The following PACRGL variants were observed in gnomAD, a reference collection of about 807,000 sequenced individuals.
The protein encoded by PACRGL is PACRG-like protein.
PACRGL carries 38 observed loss-of-function variants against 34.5 expected under a neutral mutation model. The ratio of observed to expected loss-of-function variants is 1.10; its 90% confidence interval spans 0.85 to 1.44. The LOEUF is 1.44. Ranked by LOEUF, PACRGL falls within the 40% of genes most tolerant of loss-of-function variation. The pLI is 0.00. For synonymous variants in PACRGL, 128 were observed against 100.1 expected (o/e 1.28, Z -1.66); for missense variants, 305 against 281.4 (o/e 1.08, Z -0.60).
intron 7 of PACRGL, among the ~76,000 whole-genome samples, chr4:20,715,494 T>C (rs924536643): frequency 1.3e-5 from 2 of 152,086 alleles, no homozygotes; most frequent in African/African-American, 4.8e-5. Flanking sequence ...AGATCGTTCA[T>C]AAAACATTTT....
intron 4 of PACRGL, among the ~76,000 whole-genome samples, chr4:20,708,404 G>T (rs1158019432): frequency 6.6e-6 from 1 of 151,918 alleles, no homozygotes; most frequent in African/African-American, 2.4e-5. Context: ...GCCTGTTGTA[G>T]ATGATAGAAA....
At chr4:20,722,976 A>G (rs1400413661) in intron 7 of PACRGL, among the ~76,000 whole-genome samples, 1 of 152,116 alleles carries the variant, frequency 6.6e-6, no homozygotes, top group Non-Finnish European at 1.5e-5. Context: ...CTGTATTTTT[A>G]ACTTCCTATT....
chr4:20,749,166 A>G (rs1753104087), intron 8 of PACRGL, among the ~76,000 whole-genome samples: 1 of 151,566 alleles, frequency 6.6e-6, no homozygotes, highest in African/African-American at 2.4e-5. Context: ...AAAAAAAAAA[A>G]AAAAAATACG....
At chr4:20,757,458 C>G (rs191247913), downstream of PACRGL, among the ~76,000 whole-genome samples, 4 of 152,268 alleles carry the variant, frequency 2.6e-5, no homozygotes, top group East Asian at 7.8e-4. Flanking sequence ...TGCATCACCT[C>G]AAGGATAAAG....
At chr4:20,753,221 C>A (rs890079204), downstream of PACRGL, among the ~76,000 whole-genome samples, 2 of 152,018 alleles carry the variant, frequency 1.3e-5, no homozygotes, top group African/African-American at 4.8e-5. Context: ...ACTGAGGTCA[C>A]CTAGTTAGTT....
Position 20,730,829 on chromosome 4 carries a change from A to G in PACRGL, c.*3488A>G, listed in dbSNP as rs1747937629. Among the ~76,000 whole-genome samples, 1 of 152,144 alleles carries G rather than the reference A, an allele frequency of 6.6e-6. No homozygotes were observed. Among genetic ancestry groups the G allele is most frequent in the African/African-American group, 2.4e-5 (1 of 41,434 alleles). On this transcript the variant is annotated 3_prime_UTR_variant, in exon 9 of 9. Coordinates refer to ENST00000503585, the MANE Select transcript of PACRGL (RefSeq NM_001258345.3). ...CACTTGTCAGTTGCATGTGAATAGC[A>G]CTTACTGAGCTGTTTATGGTAGTGG...
At chr4:20,705,485 C>T (rs1734096229) in intron 3 of PACRGL, among the ~76,000 whole-genome samples, 1 of 152,020 alleles carries the variant, frequency 6.6e-6, no homozygotes. Flanking sequence ...AGTGAGCTCT[C>T]CAAGACAGAA....
At chr4:20,713,301 A>G (rs12331966) in intron 6 of PACRGL, 131 bp from the exon 7 acceptor site, 200,356 of 664,798 alleles carry the variant, frequency 0.3, 32,027 homozygotes, top group African/African-American at 0.43. Context: ...TTTGTTGACT[A>G]TCTTCTGATT....
At chr4:20,752,149 C>T (rs1417341484) in intron 8 of PACRGL, among the ~76,000 whole-genome samples, 3 of 150,818 alleles carry the variant, frequency 2.0e-5, no homozygotes, top group African/African-American at 2.4e-5. Context: ...GCCTCCACCT[C>T]CTGGGTTCAA....
chr4:20,760,433 T>C, the PACRGL span, among the ~76,000 whole-genome samples: 9 of 152,214 alleles, frequency 5.9e-5, no homozygotes, highest in Non-Finnish European at 1.2e-4. Context: ...CCCTCACTAA[T>C]AAACTTACTT....
At chr4:20,744,305 C>T (rs1169735442) in intron 8 of PACRGL, among the ~76,000 whole-genome samples, 2 of 152,202 alleles carry the variant, frequency 1.3e-5, no homozygotes, top group Non-Finnish European at 2.9e-5. Context: ...AAGACACATG[C>T]ACATGTATGT....
At chr4:20,698,686 G>A (rs1262560888), upstream of PACRGL, among the ~76,000 whole-genome samples, 3 of 152,182 alleles carry the variant, frequency 2.0e-5, no homozygotes, top group Non-Finnish European at 1.5e-5. Context: ...AGAAGAGGCT[G>A]TTTTAACTGT....
the PACRGL span, among the ~76,000 whole-genome samples, chr4:20,759,269 A>C: frequency 6.6e-6 from 1 of 152,182 alleles, no homozygotes; most frequent in Admixed American, 6.6e-5. Flanking sequence ...TGTCCTTTCA[A>C]GGTTTTCTGA....
chr4:20,733,825 C>T (rs952752098), downstream of PACRGL, among the ~76,000 whole-genome samples: 1 of 152,152 alleles, frequency 6.6e-6, no homozygotes, highest in African/African-American at 2.4e-5. Flanking sequence ...GTCCTCTGTG[C>T]AAGAAACACA....
chr4:20,720,481 C>T (rs1021154820), intron 7 of PACRGL, among the ~76,000 whole-genome samples: 6 of 152,170 alleles, frequency 3.9e-5, no homozygotes, highest in Admixed American at 3.9e-4. Context: ...TTGTTCCTTT[C>T]CATGTTTAGT....
At chr4:20,733,185 T>C (rs57264251), downstream of PACRGL, among the ~76,000 whole-genome samples, 6 of 152,310 alleles carry the variant, frequency 3.9e-5, no homozygotes, top group East Asian at 1.2e-3. Context: ...ACATCGTATA[T>C]TGAGAAAAAA....
downstream of PACRGL, among the ~76,000 whole-genome samples, chr4:20,754,615 C>G (rs548554051): frequency 2.0e-5 from 3 of 152,072 alleles, no homozygotes; most frequent in Non-Finnish European, 4.4e-5. Flanking sequence ...TTTCCTTCAG[C>G]GATGCCTCAT....
intron 7 of PACRGL, among the ~76,000 whole-genome samples, chr4:20,716,403 G>C (rs1173738729): frequency 6.6e-6 from 1 of 152,124 alleles, no homozygotes; most frequent in South Asian, 2.1e-4. Flanking sequence ...CAACGTGCAG[G>C]TTTGTTACGT....
In PACRGL at chr4:20,704,833, C is replaced by T. The variant is rs896359031; in HGVS notation, c.207+19C>T. The T allele has an allele frequency of 2.5e-6, 4 of 1,611,696 alleles. No individual in the cohort carries two copies. The East Asian group carries it at 8.9e-5, about 36-fold the overall frequency. Reference sequence around the variant, plus strand: ...TAATCCGGTAGGTCCAAAACTATTCCTAACTCAGTAGATTTTTTAAAGGCA... The same window carrying T: ...TAATCCGGTAGGTCCAAAACTATTCTTAACTCAGTAGATTTTTTAAAGGCA... On this transcript the variant is annotated intron_variant, in intron 3 of 8. Coordinates refer to ENST00000503585, the MANE Select transcript of PACRGL (RefSeq NM_001258345.3).
Sources: gnomAD v4.1 joint callset for allele counts (sites outside exome capture counted in the v4.1 genomes callset) on GRCh38, gnomAD v4.1.1 for gene constraint, MANE v1.5 for transcripts, NCBI Gene and HGNC (gene_info 2026-07-23, HGNC 2026-07-21) for gene names.